FBXL2: variants seen among roughly 807,000 people sequenced by gnomAD.
FBXL2 encodes the protein F-box/LRR-repeat protein 2.
FBXL2 carries 38 observed loss-of-function variants against 69.2 expected under a neutral mutation model. The observed-to-expected ratio is 0.55, with a 90% CI of 0.42 to 0.72. FBXL2 has a LOEUF of 0.72. FBXL2 is among the 30% of genes least tolerant of loss of function. FBXL2 has a pLI of 0.00. For missense variants in FBXL2, 354 were observed against 520.3 expected, an observed-to-expected ratio of 0.68 and a Z score of 3.11; for synonymous variants, 192 against 201.3, an observed-to-expected ratio of 0.95 and a Z score of 0.39.
rs191750974 is a variant in FBXL2 at position 33,295,613 on chromosome 3, G to A, written c.4-2051G>A. On this transcript the variant is annotated intron_variant, in intron 1 of 14. Transcript: ENST00000484457. ...TCTTTAGTCTTGACTTACAAGTGGA[G>A]TTGCTGGGTCATATGGTAACTCTTT... 3.9e-5 allele frequency among the ~76,000 whole-genome samples: 6 copies of A among 152,350 alleles called. No homozygotes were observed. The East Asian group carries it at 1.2e-3, about 29-fold the overall frequency.
intron 2 of FBXL2, among the ~76,000 whole-genome samples, chr3:33,326,339 A>T (rs1299257583): frequency 6.6e-6 from 1 of 152,076 alleles, no homozygotes; most frequent in African/African-American, 2.4e-5. Flanking sequence ...TCTCAACTAA[A>T]AATACAAAAA....
At chr3:33,375,899 G>GT (rs1379840208) in intron 10 of FBXL2, among the ~76,000 whole-genome samples, 1 of 152,208 alleles carries the variant, frequency 6.6e-6, no homozygotes, top group Non-Finnish European at 1.5e-5. Flanking sequence ...GCTCATGCCT[G>GT]TAATCCCAAC....
intron 10 of FBXL2, 34 bp from the exon 11 acceptor site, chr3:33,377,239 A>C: frequency 6.3e-7 from 1 of 1,595,386 alleles, no homozygotes; most frequent in South Asian, 1.1e-5. Flanking sequence ...ACTAGTTGGT[A>C]CCGTTTTCTC....
intron 2 of FBXL2, among the ~76,000 whole-genome samples, chr3:33,327,217 T>C (rs1276754234): frequency 1.3e-5 from 2 of 152,218 alleles, no homozygotes; most frequent in African/African-American, 4.8e-5. Flanking sequence ...TATAATCATC[T>C]TGATTTTATA....
chr3:33,421,652 T>G, the FBXL2 span, among the ~76,000 whole-genome samples: 1 of 152,340 alleles, frequency 6.6e-6, no homozygotes, highest in South Asian at 2.1e-4. Flanking sequence ...TCAATACAAC[T>G]AGGAAAACTT....
In FBXL2 at chr3:33,373,319, G is replaced by C. The variant is rs747536197; in HGVS notation, c.419G>C (p.Cys140Ser). The C allele has an allele frequency of 2.5e-6, 4 of 1,613,952 alleles. No homozygotes were observed. Among genetic ancestry groups the C allele is most frequent in the Non-Finnish European group, 3.4e-6 (4 of 1,179,924 alleles). Residue 140 changes from cysteine to serine, a missense_variant, in exon 7 of 15, where the codon TGT (cysteine) becomes TCT (serine). Cys to Ser is a moderately radical substitution (Grantham distance 112). Transcript: ENST00000484457. ...SKLKHLDLTS[C>S]VSITNSSLKG... ...CTGAAACATCTGGATCTGACCTCCT[G>C]TGTGTCTATTACAAACAGCTCCTTG...
intron 1 of FBXL2, among the ~76,000 whole-genome samples, chr3:33,282,369 T>G (rs1207966339): frequency 6.6e-6 from 1 of 152,158 alleles, no homozygotes; most frequent in African/African-American, 2.4e-5. Context: ...ATGTGTGGTG[T>G]TATTTCTGAG....
chr3:33,390,208 TGTG>T, downstream of FBXL2: 1 of 973,852 alleles, frequency 1.0e-6, no homozygotes, highest in Non-Finnish European at 1.6e-6. Context: ...AAGGTCATCT[TGTG>T]TTTTCAATAT....
intron 2 of FBXL2, among the ~76,000 whole-genome samples, chr3:33,316,095 A>G (rs1037213012): frequency 1.0e-4 from 15 of 143,124 alleles, no homozygotes; most frequent in Admixed American, 9.2e-4. Flanking sequence ...GTCTTACTCT[A>G]TTGCCCAGGC....
Position 33,315,225 on chromosome 3 carries a change from C to CT in FBXL2, c.65+17508dup, listed in dbSNP as rs201946493. On this transcript the variant is annotated intron_variant, in intron 2 of 14. Coordinates refer to ENST00000484457, the MANE Select transcript of FBXL2 (RefSeq NM_012157.5). ...TTCTTTTTCTTTCTCCTTTCCTTTC[C>CT]TTTTTTTTCTTTCTTTTTTTTCCTT... Among the ~76,000 whole-genome samples the CT allele has an allele frequency of 9.3e-5, 14 of 149,998 alleles. 1 individual carries two copies. The highest frequency in any genetic ancestry group is 2.2e-4 in the African/African-American group (9 of 40,856).
intron 2 of FBXL2, among the ~76,000 whole-genome samples, chr3:33,321,334 GA>G (rs1164890057): frequency 2.7e-5 from 4 of 148,228 alleles, no homozygotes; most frequent in Non-Finnish European, 6.0e-5. Context: ...AAAGAAAAAA[GA>G]AAAAAAAGAA....
At chr3:33,291,404 AAAGG>A (rs1240346673) in intron 1 of FBXL2, among the ~76,000 whole-genome samples, 1 of 152,192 alleles carries the variant, frequency 6.6e-6, no homozygotes, top group African/African-American at 2.4e-5. Context: ...AAGTTATAAT[AAAGG>A]AAGTTCAGAT....
intron 2 of FBXL2, among the ~76,000 whole-genome samples, chr3:33,352,989 A>G (rs1170531433): frequency 1.3e-5 from 2 of 152,222 alleles, no homozygotes; most frequent in East Asian, 3.8e-4. Context: ...ATCTGAACAG[A>G]TATTTTACCA....
intron 12 of FBXL2, among the ~76,000 whole-genome samples, chr3:33,399,924 C>T (rs1370951648): frequency 6.6e-6 from 1 of 152,100 alleles, no homozygotes. Flanking sequence ...TCATGTAAAA[C>T]TATATACACC....
intron 2 of FBXL2, among the ~76,000 whole-genome samples, chr3:33,304,398 TAAAA>T (rs2036541119): frequency 6.6e-6 from 1 of 152,086 alleles, no homozygotes; most frequent in Non-Finnish European, 1.5e-5. Context: ...ATTAACTTCG[TAAAA>T]AAAGTATATG....
the FBXL2 span, among the ~76,000 whole-genome samples, chr3:33,418,718 G>C: frequency 2.0e-5 from 3 of 151,722 alleles, no homozygotes; most frequent in Non-Finnish European, 2.9e-5. Flanking sequence ...AATTAGCTGG[G>C]CGTGGTGGTG....
At chr3:33,319,753 T>G (rs1335981295) in intron 2 of FBXL2, among the ~76,000 whole-genome samples, 1 of 152,200 alleles carries the variant, frequency 6.6e-6, no homozygotes, top group Non-Finnish European at 1.5e-5. Context: ...ATCAAAGCAT[T>G]TCTTTATTCA....
chr3:33,281,053 AAATTTTTT>A (rs994401427), intron 1 of FBXL2, among the ~76,000 whole-genome samples: 6 of 152,138 alleles, frequency 3.9e-5, no homozygotes, highest in African/African-American at 1.4e-4. Flanking sequence ...TTTAATTTTT[AAATTTTTT>A]AATTATACTT....
upstream of FBXL2, chr3:33,277,185 T>TAAA (rs751643485): frequency 0.013 from 3,789 of 291,266 alleles, 14 homozygotes; most frequent in African/African-American, 0.019. Flanking sequence ...ACGTTTTTTT[T>TAAA]AAAAAAAAAA....
Sources: allele counts gnomAD v4.1 joint callset (sites outside exome capture counted in the v4.1 genomes callset), GRCh38; gene constraint gnomAD v4.1.1; transcripts MANE v1.5; gene names NCBI Gene and HGNC (gene_info 2026-07-23, HGNC 2026-07-21).